Variants in DPYD observed in about 807,000 individuals in gnomAD.
DPYD encodes dihydropyrimidine dehydrogenase, also known as dihydropyrimidine dehydrogenase [NADP(+)].
A neutral mutation model predicts 116.2 loss-of-function variants in DPYD; 109 were observed. The ratio of observed to expected loss-of-function variants is 0.94; its 90% CI spans 0.80 to 1.10. The LOEUF (loss-of-function observed/expected upper bound fraction) is 1.10, where lower values mean the gene tolerates loss of function less well. Ranked by LOEUF, DPYD falls within the 50% of genes least tolerant of loss-of-function variation. The pLI is 0.00. For missense variants in DPYD, 1,302 were observed against 1,254.5 expected, an observed-to-expected ratio of 1.04 and a Z score of -0.57; for synonymous variants, 440 against 432.0, an observed-to-expected ratio of 1.02 and a Z score of -0.23.
intron 14 of DPYD, among the ~76,000 whole-genome samples, chr1:97,428,082 G>A (rs747836127): frequency 1.2e-4 from 18 of 152,166 alleles, no homozygotes; most frequent in Admixed American, 6.6e-4. Context: ...TATACATTAC[G>A]AAAGTGATTT....
At chr1:97,198,738 T>C (rs1186999585) in intron 19 of DPYD, among the ~76,000 whole-genome samples, 1 of 152,176 alleles carries the variant, frequency 6.6e-6, no homozygotes, top group Non-Finnish European at 1.5e-5. Flanking sequence ...TTCTTTATGG[T>C]GAAGGCTGGT....
At chr1:97,205,225 A>G (rs1207694859) in intron 19 of DPYD, among the ~76,000 whole-genome samples, 1 of 152,078 alleles carries the variant, frequency 6.6e-6, no homozygotes, top group Non-Finnish European at 1.5e-5. Flanking sequence ...ATGGTTTTTG[A>G]CAAATGTATA....
chr1:97,551,177 T>A, intron 11 of DPYD, among the ~76,000 whole-genome samples: 1 of 152,154 alleles, frequency 6.6e-6, no homozygotes, highest in East Asian at 1.9e-4. Flanking sequence ...ACTGTTTCTA[T>A]TTGTTTTTTC....
intron 13 of DPYD, among the ~76,000 whole-genome samples, chr1:97,478,720 T>A (rs1678131988): frequency 6.6e-6 from 1 of 152,236 alleles, no homozygotes; most frequent in South Asian, 2.1e-4. Context: ...CATTCACTCC[T>A]CTTGTTTAGC....
intron 20 of DPYD, among the ~76,000 whole-genome samples, chr1:97,107,788 T>C (rs1651281404): frequency 6.6e-6 from 1 of 152,130 alleles, no homozygotes; most frequent in African/African-American, 2.4e-5. Flanking sequence ...TACTTCTTTG[T>C]AGTCCTCACA....
At chr1:97,450,288 G>T in intron 13 of DPYD, 65 bp from the exon 14 acceptor site, 1 of 1,558,660 alleles carries the variant, frequency 6.4e-7, no homozygotes. Context: ...TTTATTATCT[G>T]CTCATTTCCA....
At chr1:97,806,407 T>C (rs1668080159) in intron 3 of DPYD, among the ~76,000 whole-genome samples, 1 of 151,960 alleles carries the variant, frequency 6.6e-6, no homozygotes, top group Non-Finnish European at 1.5e-5. Context: ...TGATGACTAA[T>C]GATGTTGAGC....
chr1:97,586,183 T>G (rs1654082049), intron 10 of DPYD: 1 of 152,134 alleles, frequency 6.6e-6, no homozygotes, highest in African/African-American at 2.4e-5. Flanking sequence ...AAGGTGGTTA[T>G]TAGGTTGGAA....
At chr1:97,681,181 A>G (rs1164614367) in intron 7 of DPYD, among the ~76,000 whole-genome samples, 1 of 152,168 alleles carries the variant, frequency 6.6e-6, no homozygotes, top group Non-Finnish European at 1.5e-5. Flanking sequence ...GAGAGCTTAC[A>G]TAACCTTTAT....
chr1:97,441,785 G>A (rs953227657), intron 14 of DPYD, among the ~76,000 whole-genome samples: 6 of 151,996 alleles, frequency 3.9e-5, no homozygotes, highest in East Asian at 1.9e-4. Flanking sequence ...AGGTATTTTT[G>A]TATTCCTATA....
chr1:97,730,763 C>T (rs909292853), intron 4 of DPYD, among the ~76,000 whole-genome samples: 1 of 151,806 alleles, frequency 6.6e-6, no homozygotes, highest in Non-Finnish European at 1.5e-5. Context: ...AGATGAAATA[C>T]TATTTTATTT....
intron 21 of DPYD, among the ~76,000 whole-genome samples, chr1:97,094,147 C>T (rs1650073140): frequency 6.6e-6 from 1 of 152,024 alleles, no homozygotes; most frequent in South Asian, 2.1e-4. Context: ...ATTATCACCT[C>T]CTGGATTCTA....
intron 14 of DPYD, among the ~76,000 whole-genome samples, chr1:97,392,284 TG>T (rs756045709): frequency 6.6e-6 from 1 of 152,050 alleles, no homozygotes; most frequent in Non-Finnish European, 1.5e-5. Context: ...CTTGTCTTGA[TG>T]GTGATAGCTG....
intron 20 of DPYD, among the ~76,000 whole-genome samples, chr1:97,125,138 T>A (rs1485831070): frequency 6.6e-6 from 1 of 152,144 alleles, no homozygotes; most frequent in African/African-American, 2.4e-5. Context: ...AAGTTATCAG[T>A]GGTTTCAGGA....
chr1:97,432,216 T>C (rs1675218333), intron 14 of DPYD, among the ~76,000 whole-genome samples: 1 of 152,110 alleles, frequency 6.6e-6, no homozygotes. Context: ...TTGGATATAT[T>C]CCCAGCAGCA....
At chr1:97,516,993 A>G (rs1648280211) in intron 12 of DPYD, among the ~76,000 whole-genome samples, 1 of 152,140 alleles carries the variant, frequency 6.6e-6, no homozygotes, top group Non-Finnish European at 1.5e-5. Flanking sequence ...AAGTTATTTG[A>G]GCAGAACTTT....
chr1:97,710,220 T>C (rs1023028810), intron 5 of DPYD, among the ~76,000 whole-genome samples: 1 of 151,972 alleles, frequency 6.6e-6, no homozygotes, highest in African/African-American at 2.4e-5. Flanking sequence ...CTCGTTACCT[T>C]TTGAATGCCT....
intron 16 of DPYD, among the ~76,000 whole-genome samples, chr1:97,344,880 T>C (rs1669766308): frequency 6.6e-6 from 1 of 151,948 alleles, no homozygotes; most frequent in South Asian, 2.1e-4. Flanking sequence ...GTATATGCCA[T>C]GAAATTTACT....
intron 18 of DPYD, among the ~76,000 whole-genome samples, chr1:97,267,950 G>C (rs529968309): frequency 4.0e-4 from 61 of 152,214 alleles, no homozygotes; most frequent in Admixed American, 6.5e-4. Flanking sequence ...AATTCATCTT[G>C]AGGCAAATTC....
Sources: allele counts gnomAD v4.1 joint callset (sites outside exome capture counted in the v4.1 genomes callset), GRCh38; gene constraint gnomAD v4.1.1; transcripts MANE v1.5; gene names NCBI Gene and HGNC (gene_info 2026-07-23, HGNC 2026-07-21).